Variants in BMP1 observed in about 807,000 individuals in gnomAD.
BMP1 encodes mammalian tolloid protein.
Under a neutral mutation model 116.8 loss-of-function variants are expected in BMP1, and 63 were observed. The observed-to-expected ratio is 0.54, with a 90% CI of 0.44 to 0.67. The LOEUF is 0.67. Ranked by LOEUF, BMP1 falls within the 30% of genes least tolerant of loss-of-function variation. The pLI is 0.00. For missense variants in BMP1, 1,183 were observed against 1,358.9 expected, an observed-to-expected ratio of 0.87 and a Z score of 2.04; for synonymous variants, 536 against 533.4, an observed-to-expected ratio of 1.00 and a Z score of -0.07.
Position 22,194,504 on chromosome 8 carries a change from G to C in BMP1, c.1357G>C (p.Asp453His). ...CCACATTCAATCGCCCAACTACCCA[G>C]ACGATTACCGGCCCAGCAAAGTCTG... is the stretch of plus-strand genomic sequence containing the variant. The part of the protein sequence containing the change: ...YGHIQSPNYP[D>H]DYRPSKVCIW... Residue 453 changes from aspartate to histidine, a missense_variant, in exon 11 of 20, where the codon GAC becomes CAC. Transcript: ENST00000306385. The surrounding 1 kb of genome is among the most constrained non-coding windows in gnomAD (Gnocchi z 4.5). 2 of 1,614,204 alleles carry C rather than the reference G, an allele frequency of 1.2e-6. No individual in the cohort carries two copies. The highest frequency in any genetic ancestry group is 1.7e-6 in the Non-Finnish European group (2 of 1,180,042).
At chr8:22,196,970 TC>T in intron 14 of BMP1, 130 bp downstream of exon 14, 1 of 1,302,008 alleles carries the variant, frequency 7.7e-7, no homozygotes, top group Non-Finnish European at 1.0e-6. Context: ...GAGAGACTGC[TC>T]CCAGCTCACG....
intron 16 of BMP1, among the ~76,000 whole-genome samples, chr8:22,203,967 C>T (rs1257325138): frequency 6.6e-6 from 1 of 152,246 alleles, no homozygotes; most frequent in Non-Finnish European, 1.5e-5. Flanking sequence ...ACCTTTCCAT[C>T]TGCTGATTCA....
At chr8:22,178,985 C>T (rs927426701) in intron 6 of BMP1, among the ~76,000 whole-genome samples, 6 of 152,176 alleles carry the variant, frequency 3.9e-5, no homozygotes, top group Admixed American at 1.3e-4. Context: ...CCCACAGACC[C>T]GGCCTTACAT....
chr8:22,199,887 C>T (rs1253594336), intron 15 of BMP1, among the ~76,000 whole-genome samples: 1 of 152,204 alleles, frequency 6.6e-6, no homozygotes, highest in African/African-American at 2.4e-5. Context: ...GCCTGGTTCC[C>T]ATGGCCCCTA....
chr8:22,180,076 C>G (rs565266638), intron 7 of BMP1, among the ~76,000 whole-genome samples: 1 of 152,230 alleles, frequency 6.6e-6, no homozygotes, highest in African/African-American at 2.4e-5. Context: ...GGGAGAACAG[C>G]AATCCTAGGA....
At chr8:22,208,317 C>T (rs1829402510) in intron 18 of BMP1, among the ~76,000 whole-genome samples, 1 of 152,240 alleles carries the variant, frequency 6.6e-6, no homozygotes, top group African/African-American at 2.4e-5. Flanking sequence ...TATTTAGCAG[C>T]CATGAACTGA....
Position 22,204,313 on chromosome 8 carries a change from C to T in BMP1, c.2233+2385C>T, listed in dbSNP as rs575134077. Among the ~76,000 whole-genome samples the T allele has an allele frequency of 2.0e-5, 3 of 152,316 alleles. No homozygotes were observed. In the South Asian group the frequency reaches 6.2e-4, roughly 32 times the overall value. On this transcript the variant is annotated intron_variant, in intron 16 of 19. Coordinates refer to ENST00000306385, the MANE Select transcript of BMP1 (RefSeq NM_006129.5). ...ACTTGAGAGGGCCCTGTTTTCCGGG[C>T]CCTCGTGCTGTATCTTGCCCATCCT...
intron 15 of BMP1, among the ~76,000 whole-genome samples, chr8:22,197,752 A>T (rs1280231344): frequency 2.0e-5 from 3 of 152,214 alleles, no homozygotes; most frequent in South Asian, 4.1e-4. Context: ...AGGTCCTAGG[A>T]ACAGGCAGTT....
chr8:22,165,880 TGC>T (rs1476373937), intron 1 of BMP1, among the ~76,000 whole-genome samples: 6 of 136,772 alleles, frequency 4.4e-5, no homozygotes, highest in African/African-American at 1.7e-4. Context: ...CTCCTGTGCG[TGC>T]GTGTGTGTGT....
At chr8:22,187,587 G>A (rs1238577838) in intron 8 of BMP1, among the ~76,000 whole-genome samples, 1 of 140,286 alleles carries the variant, frequency 7.1e-6, no homozygotes, top group Non-Finnish European at 1.5e-5. Context: ...CTGACCTCAT[G>A]ATACGCCCAC....
chr8:22,178,140 G>A (rs1828507768), intron 6 of BMP1, among the ~76,000 whole-genome samples, 183 bp downstream of exon 6: 1 of 152,342 alleles, frequency 6.6e-6, no homozygotes, highest in South Asian at 2.1e-4. Flanking sequence ...CTCTTCCACG[G>A]GTGGGTCTGT....
At chr8:22,186,074 G>A (rs531763536) in intron 8 of BMP1, among the ~76,000 whole-genome samples, 2 of 152,146 alleles carry the variant, frequency 1.3e-5, no homozygotes, top group East Asian at 1.9e-4. Flanking sequence ...GACCTCAGGC[G>A]ATCCGCCAGC....
rs74945177 is a variant in BMP1 at position 22,211,490 on chromosome 8, C to A, written c.2827-104C>A. ...TCAAGGGGCGGGGAGAATCTGGTGGCTGCCTGGGAGCCTCCTGCCCTTCAA... is the reference window on the plus strand; with the variant it reads ...TCAAGGGGCGGGGAGAATCTGGTGGATGCCTGGGAGCCTCCTGCCCTTCAA... On this transcript the variant is annotated intron_variant, in intron 19 of 19. Transcript: ENST00000306385. 5.3e-3 allele frequency: 8,005 copies of A among 1,497,290 alleles called. 317 individuals carry two copies. The East Asian group carries it at 0.11, about 20-fold the overall frequency. The allele number at this position is 1,497,290 out of a possible 1,614,324, so 92.8% of individuals were successfully genotyped here.
rs148163134 is a variant in BMP1, at chr8:22,168,617, A to C, written c.148+3064A>C. Among the ~76,000 whole-genome samples, 1,069 of 152,200 alleles carry C rather than the reference A, an allele frequency of 7.0e-3. 14 individuals are homozygous for C. The highest frequency in any genetic ancestry group is 0.024 in the African/African-American group (993 of 41,538). ...ACCAGCCCACATCCCCATCCCACCC[A>C]GGGGGACGCCTGGCCAAGGTTTGGA... On this transcript the variant is annotated intron_variant, in intron 1 of 19. Transcript: ENST00000306385.
Position 22,212,136 on chromosome 8 carries a change from GTTTTA to G in BMP1, c.*413_*417del, listed in dbSNP as rs1349566945. The G allele has an allele frequency of 5.5e-6, 1 of 182,480 alleles. No individual in the cohort carries two copies. Among genetic ancestry groups the G allele is most frequent in the Non-Finnish European group, 1.2e-5 (1 of 85,002 alleles). 11.3% of individuals were successfully genotyped at this position (182,480 alleles called of 1,614,324 possible). ...CCACCCCTGCTCCAGCCTCGATTTG[GTTTTA>G]TTTTGAGCCCCCATTCCACCACCCC... is the stretch of plus-strand genomic sequence containing the variant. On this transcript the variant is annotated 3_prime_UTR_variant, in exon 20 of 20. Coordinates refer to ENST00000306385, the MANE Select transcript of BMP1 (RefSeq NM_006129.5).
intron 1 of BMP1, among the ~76,000 whole-genome samples, chr8:22,166,463 G>A (rs1435914907): frequency 3.9e-5 from 6 of 152,238 alleles, no homozygotes; most frequent in Admixed American, 3.9e-4. Flanking sequence ...GGAGTGACCA[G>A]ATGGCCAGGC....
At chr8:22,197,452 C>T in intron 15 of BMP1, 32 bp downstream of exon 15, 1 of 1,578,192 alleles carries the variant, frequency 6.3e-7, no homozygotes, top group Non-Finnish European at 8.7e-7. Context: ...CCTAGCCCCA[C>T]CTCTCCTCGG....
At position 22,211,950 on chromosome 8, in the gene BMP1, G is replaced by A; in HGVS notation, c.*222G>A. The A allele has an allele frequency of 1.6e-6, 1 of 631,236 alleles. No individual in the cohort carries two copies. Among genetic ancestry groups the A allele is most frequent in the Non-Finnish European group, 2.7e-6 (1 of 372,180 alleles). The allele number at this position is 631,236 out of a possible 1,614,324, so 39.1% of individuals were successfully genotyped here. A position where few individuals can be genotyped will look rare whatever the true frequency, so the allele number is the denominator to read the frequency against. Reference sequence around the variant, plus strand: ...ACCAGCAAGGGGCTGGGGCCAGGGAGCAGAGCTTCCACAAGACATTTCGAA... The same window carrying A: ...ACCAGCAAGGGGCTGGGGCCAGGGAACAGAGCTTCCACAAGACATTTCGAA... On this transcript the variant is annotated 3_prime_UTR_variant, in exon 20 of 20. Transcript: ENST00000306385.
chr8:22,183,463 C>CT (rs1398899250), intron 8 of BMP1, among the ~76,000 whole-genome samples: 9 of 152,110 alleles, frequency 5.9e-5, no homozygotes, highest in African/African-American at 2.2e-4. Context: ...TTTCTACCAG[C>CT]TATGCCTTGG....
Sources: gnomAD v4.1 joint callset for allele counts (sites outside exome capture counted in the v4.1 genomes callset) on GRCh38, gnomAD v4.1.1 for gene constraint, Gnocchi (gnomAD v3.1) non-coding constraint, MANE v1.5 for transcripts, NCBI Gene and HGNC (gene_info 2026-07-23, HGNC 2026-07-21) for gene names.